CDH13: variants seen among roughly 807,000 people sequenced by gnomAD.
The protein encoded by CDH13 is cadherin 13.
A neutral mutation model predicts 63.8 loss-of-function variants in CDH13; 24 were observed. That is an observed-to-expected ratio of 0.38 (90% CI 0.27 to 0.53). CDH13 has a LOEUF of 0.53. CDH13 is among the 20% of genes least tolerant of loss of function. The probability of loss-of-function intolerance (pLI) is 0.85; values close to 1 mark genes in which losing one functional copy is unlikely to be tolerated. For synonymous variants in CDH13, 503 were observed against 355.3 expected (o/e 1.42, Z -4.67); for missense variants, 1,049 against 903.1 (o/e 1.16, Z -2.07).
At chr16:83,217,706 C>T (rs1037847007) in intron 5 of CDH13, among the ~76,000 whole-genome samples, 1 of 152,106 alleles carries the variant, frequency 6.6e-6, no homozygotes, top group African/African-American at 2.4e-5. Context: ...GCCCTCCAGG[C>T]CTGCATCAGA....
chr16:83,700,987 C>A (rs951228193), intron 10 of CDH13, among the ~76,000 whole-genome samples: 5 of 152,176 alleles, frequency 3.3e-5, no homozygotes, highest in African/African-American at 1.2e-4. Context: ...AATAAAACAA[C>A]ATTCTTCCCC....
At chr16:83,710,787 A>G (rs1028995700) in intron 10 of CDH13, among the ~76,000 whole-genome samples, 8 of 152,182 alleles carry the variant, frequency 5.3e-5, no homozygotes, top group Admixed American at 3.3e-4. Context: ...CACTCAATAA[A>G]CAGGGCTGTT....
intron 7 of CDH13, among the ~76,000 whole-genome samples, chr16:83,535,017 C>T (rs2075156200): frequency 6.6e-6 from 1 of 152,204 alleles, no homozygotes; most frequent in Non-Finnish European, 1.5e-5. Context: ...ATCATATCTG[C>T]AGAGTTTCTT....
chr16:83,090,394 T>G (rs1256331147), intron 3 of CDH13, among the ~76,000 whole-genome samples: 16 of 151,968 alleles, frequency 1.1e-4, no homozygotes, highest in Admixed American at 9.2e-4. Flanking sequence ...ACCAATATGG[T>G]GAGACCCTGT....
At chr16:82,910,957 G>A (rs2041810875) in intron 2 of CDH13, among the ~76,000 whole-genome samples, 2 of 152,234 alleles carry the variant, frequency 1.3e-5, no homozygotes, top group African/African-American at 2.4e-5. Context: ...TTTGAGGTGA[G>A]CAATGCCCTC....
intron 3 of CDH13, among the ~76,000 whole-genome samples, chr16:83,112,374 C>G (rs2035099399): frequency 6.6e-6 from 1 of 152,116 alleles, no homozygotes; most frequent in African/African-American, 2.4e-5. Flanking sequence ...GAGACAGAGA[C>G]AGAGACACAG....
chr16:83,684,391 C>T (rs1170617815), intron 10 of CDH13, among the ~76,000 whole-genome samples: 3 of 152,012 alleles, frequency 2.0e-5, no homozygotes, highest in Non-Finnish European at 4.4e-5. Context: ...AAAAAAGTAG[C>T]CGAAAGATAA....
intron 6 of CDH13, among the ~76,000 whole-genome samples, chr16:83,461,448 T>C (rs542624387): frequency 7.2e-5 from 11 of 152,312 alleles, no homozygotes; most frequent in African/African-American, 2.4e-4. Context: ...GATTATTTAA[T>C]GGAACAGAGG....
intron 8 of CDH13, among the ~76,000 whole-genome samples, chr16:83,668,397 C>G (rs1393501291): frequency 6.6e-6 from 1 of 152,258 alleles, no homozygotes; most frequent in African/African-American, 2.4e-5. Flanking sequence ...TGACACTCAT[C>G]TGCTTTGACA....
chr16:83,560,056 C>G (rs2075676290), intron 7 of CDH13, among the ~76,000 whole-genome samples: 1 of 152,136 alleles, frequency 6.6e-6, no homozygotes, highest in African/African-American at 2.4e-5. Context: ...CTGCAACACC[C>G]CAGCTCCTTC....
chr16:83,009,490 C>T (rs1012224523), intron 2 of CDH13, among the ~76,000 whole-genome samples: 1 of 152,128 alleles, frequency 6.6e-6, no homozygotes, highest in Non-Finnish European at 1.5e-5. Flanking sequence ...CAATTCTAGA[C>T]AGCAGGCATC....
chr16:83,232,393 C>T (rs982159380), intron 5 of CDH13, among the ~76,000 whole-genome samples: 12 of 151,796 alleles, frequency 7.9e-5, no homozygotes, highest in Middle Eastern at 3.4e-3. Flanking sequence ...GGCATGATGG[C>T]GCATGCCTGT....
At chr16:83,530,420 A>T (rs758998377) in intron 7 of CDH13, among the ~76,000 whole-genome samples, 1 of 152,174 alleles carries the variant, frequency 6.6e-6, no homozygotes, top group African/African-American at 2.4e-5. Context: ...GTTGCTTCGT[A>T]GTCACGGAAT....
At chr16:83,001,196 G>T (rs760077458) in intron 2 of CDH13, among the ~76,000 whole-genome samples, 1 of 152,238 alleles carries the variant, frequency 6.6e-6, no homozygotes, top group Non-Finnish European at 1.5e-5. Context: ...TGACCACACA[G>T]CATAGAAATC....
At chr16:82,926,077 G>A (rs1159446421) in intron 2 of CDH13, 2 of 152,142 alleles carry the variant, frequency 1.3e-5, no homozygotes, top group East Asian at 3.9e-4. Context: ...ATTAGTCTGT[G>A]CAGCTTTATC....
At chr16:83,346,107 C>A (rs1481193869) in intron 6 of CDH13, among the ~76,000 whole-genome samples, 1 of 152,138 alleles carries the variant, frequency 6.6e-6, no homozygotes, top group Non-Finnish European at 1.5e-5. Context: ...CAAGAGCGAC[C>A]CTCTTCCTTC....
chr16:83,181,968 G>C (rs2038362154), intron 4 of CDH13, among the ~76,000 whole-genome samples: 1 of 152,128 alleles, frequency 6.6e-6, no homozygotes, highest in African/African-American at 2.4e-5. Flanking sequence ...CTATTAATTA[G>C]CTGCACACAG....
chr16:82,838,716 A>G (rs566941788), intron 1 of CDH13, among the ~76,000 whole-genome samples: 1 of 152,180 alleles, frequency 6.6e-6, no homozygotes, highest in South Asian at 2.1e-4. Context: ...CTCTATTTTC[A>G]CCTTTTTTGG....
rs772759338 is a variant in CDH13, at chr16:83,670,848, A to G, written c.1160A>G (p.Asp387Gly). Residue 387 changes from aspartate to glycine, a missense_variant, in exon 9 of 14, where the codon GAT becomes GGT. Asp to Gly is a moderately conservative substitution (Grantham distance 94). Transcript: ENST00000567109. Reference sequence around the variant, plus strand: ...GTTATTGTCAATTTGACAGTTGAAGATAAGGATGACCCCACCACAGGTGCA... The same window carrying G: ...GTTATTGTCAATTTGACAGTTGAAGGTAAGGATGACCCCACCACAGGTGCA... Reference protein sequence around the residue: ...VGVIVNLTVEDKDDPTTGAWR... With the variant: ...VGVIVNLTVEGKDDPTTGAWR... The G allele has an allele frequency of 8.1e-6, 13 of 1,613,986 alleles. No individual in the cohort carries two copies. The highest frequency in any genetic ancestry group is 1.1e-5 in the Non-Finnish European group (13 of 1,179,860).
Sources: gnomAD v4.1 joint callset for allele counts (sites outside exome capture counted in the v4.1 genomes callset) on GRCh38, gnomAD v4.1.1 for gene constraint, MANE v1.5 for transcripts, NCBI Gene and HGNC (gene_info 2026-07-23, HGNC 2026-07-21) for gene names.